The following PPME1 variants were observed in gnomAD, a reference collection of about 807,000 sequenced individuals.
PPME1 encodes protein phosphatase methylesterase 1.
In PPME1, 17 loss-of-function variants were observed where a neutral mutation model predicts 56.9. That is an observed-to-expected ratio of 0.30 (90% CI 0.20 to 0.45). PPME1 has a LOEUF of 0.45. Among genes scored for constraint, PPME1 ranks in the 20% least tolerant of loss-of-function variants. The pLI is 1.00. For synonymous variants in PPME1, 122 were observed against 156.2 expected (o/e 0.78, Z 1.63); for missense variants, 357 against 483.2 (o/e 0.74, Z 2.45).
chr11:74,249,431 T>C (rs1859596218), intron 11 of PPME1: 1 of 152,230 alleles, frequency 6.6e-6, no homozygotes, highest in African/African-American at 2.4e-5. Context: ...GGATTACCCA[T>C]GAACATGTTA....
chr11:74,238,876 C>T, intron 8 of PPME1: 1 of 313,296 alleles, frequency 3.2e-6, no homozygotes. Flanking sequence ...GCCAATAAAA[C>T]TCATGCCTGA....
chr11:74,242,953 T>G (rs887209921), intron 9 of PPME1, among the ~76,000 whole-genome samples: 1 of 151,152 alleles, frequency 6.6e-6, no homozygotes, highest in African/African-American at 2.4e-5. Context: ...CAGTGATTAG[T>G]TAAGAATGGC....
At position 74,253,633 on chromosome 11, in the gene PPME1, A is replaced by G; in HGVS notation, c.*123A>G. ...GCCATGTGACACTGGCTCCCGGTAG[A>G]CGGGCACCCCGAGATGTACCAACCT... On this transcript the variant is annotated 3_prime_UTR_variant, in exon 14 of 14. Coordinates refer to ENST00000328257, the MANE Select transcript of PPME1 (RefSeq NM_016147.3). The G allele has an allele frequency of 1.8e-6, 2 of 1,122,548 alleles. No homozygotes were observed. Among genetic ancestry groups the G allele is most frequent in the South Asian group, 1.3e-5 (1 of 79,752 alleles). 69.5% of individuals were successfully genotyped at this position (1,122,548 alleles called of 1,614,324 possible). A position where few individuals can be genotyped will look rare whatever the true frequency, so the allele number is the denominator to read the frequency against.
intron 3 of PPME1, among the ~76,000 whole-genome samples, chr11:74,221,013 A>T (rs920957249): frequency 6.6e-6 from 1 of 152,152 alleles, no homozygotes; most frequent in African/African-American, 2.4e-5. Context: ...TCCCTCCTGT[A>T]ACCCAATTAC....
At chr11:74,175,772 T>G (rs570365718) in intron 1 of PPME1, among the ~76,000 whole-genome samples, 5 of 152,334 alleles carry the variant, frequency 3.3e-5, no homozygotes, top group Admixed American at 3.3e-4. Context: ...TTATATTCTA[T>G]GAGGTAAACT....
In PPME1 at chr11:74,177,660, C is replaced by T. The variant is rs891669908; in HGVS notation, c.101+6138C>T. 2.6e-5 allele frequency among the ~76,000 whole-genome samples: 4 copies of T among 151,814 alleles called. No individual in the cohort carries two copies. The East Asian group carries it at 7.7e-4, about 29-fold the overall frequency. ...TTTTCGTGGTTCCTCTTGTTTTTTTCTCACAAATAAACTTTCTAATCCCAT... is the reference window on the plus strand; with the variant it reads ...TTTTCGTGGTTCCTCTTGTTTTTTTTTCACAAATAAACTTTCTAATCCCAT... On this transcript the variant is annotated intron_variant, in intron 1 of 13. Coordinates refer to ENST00000328257, the MANE Select transcript of PPME1 (RefSeq NM_016147.3).
chr11:74,176,016 CAT>C (rs1269284347), intron 1 of PPME1, among the ~76,000 whole-genome samples: 6 of 152,180 alleles, frequency 3.9e-5, no homozygotes, highest in Non-Finnish European at 5.9e-5. Context: ...TTTAACTTCT[CAT>C]AGTCTATTTT....
At chr11:74,222,450 A>C in intron 4 of PPME1, 81 bp downstream of exon 4, 1 of 1,238,740 alleles carries the variant, frequency 8.1e-7, no homozygotes, top group Non-Finnish European at 1.2e-6. Flanking sequence ...TAGAAATTTC[A>C]ACGTGGCCAT....
At chr11:74,244,512 T>C (rs1356698968) in intron 9 of PPME1, among the ~76,000 whole-genome samples, 2 of 152,216 alleles carry the variant, frequency 1.3e-5, no homozygotes, top group Admixed American at 1.3e-4. Context: ...TATTTATTGA[T>C]TAGTGATGTT....
intron 1 of PPME1, among the ~76,000 whole-genome samples, chr11:74,185,787 C>G (rs573409702): frequency 5.7e-4 from 86 of 151,734 alleles, no homozygotes; most frequent in Middle Eastern, 3.4e-3. Context: ...TCTTTATTAT[C>G]AAAGGTATAA....
chr11:74,249,724 T>C (rs1859604878), intron 11 of PPME1: 1 of 152,216 alleles, frequency 6.6e-6, no homozygotes, highest in African/African-American at 2.4e-5. Flanking sequence ...AATGACACAC[T>C]CCTGGGGAGG....
chr11:74,191,789 C>T (rs576216786), intron 1 of PPME1, among the ~76,000 whole-genome samples: 11 of 152,278 alleles, frequency 7.2e-5, no homozygotes, highest in East Asian at 1.9e-4. Flanking sequence ...ACATAGAATG[C>T]GAGAGTGAGG....
intron 1 of PPME1, among the ~76,000 whole-genome samples, chr11:74,183,258 C>G (rs1046920358): frequency 3.9e-5 from 6 of 152,178 alleles, no homozygotes; most frequent in Non-Finnish European, 7.3e-5. Flanking sequence ...GATCGTGACA[C>G]TGTACTCCAG....
chr11:74,193,932 G>A (rs983064720), intron 1 of PPME1, among the ~76,000 whole-genome samples: 1 of 152,016 alleles, frequency 6.6e-6, no homozygotes, highest in Non-Finnish European at 1.5e-5. Context: ...TTTTGATTGT[G>A]AGATGGTCAT....
At chr11:74,188,979 A>C (rs1055813367) in intron 1 of PPME1, among the ~76,000 whole-genome samples, 4 of 152,276 alleles carry the variant, frequency 2.6e-5, no homozygotes, top group African/African-American at 9.6e-5. Context: ...ATATATATTC[A>C]GGAAAGTATA....
At chr11:74,217,512 A>G (rs907183934) in intron 3 of PPME1, among the ~76,000 whole-genome samples, 2 of 141,534 alleles carry the variant, frequency 1.4e-5, no homozygotes, top group African/African-American at 5.3e-5. Flanking sequence ...GCTGCCCTCT[A>G]TCCTGGGTGA....
intron 3 of PPME1, among the ~76,000 whole-genome samples, chr11:74,209,542 A>G (rs752495911): frequency 1.3e-5 from 2 of 152,240 alleles, no homozygotes; most frequent in African/African-American, 4.8e-5. Flanking sequence ...TGAGTTAAGT[A>G]TCTTGATACA....
chr11:74,190,597 C>T (rs1444419329), intron 1 of PPME1, among the ~76,000 whole-genome samples: 1 of 152,128 alleles, frequency 6.6e-6, no homozygotes, highest in African/African-American at 2.4e-5. Context: ...TATAGCAGTG[C>T]AAGAATGGAC....
intron 3 of PPME1, among the ~76,000 whole-genome samples, chr11:74,208,371 T>C (rs993094682): frequency 2.0e-5 from 3 of 152,062 alleles, no homozygotes; most frequent in Non-Finnish European, 4.4e-5. Context: ...AGCAAATACT[T>C]ACTAAACCCC....
Sources: gnomAD v4.1 joint callset for allele counts (sites outside exome capture counted in the v4.1 genomes callset) on GRCh38, gnomAD v4.1.1 for gene constraint, MANE v1.5 for transcripts, NCBI Gene and HGNC (gene_info 2026-07-23, HGNC 2026-07-21) for gene names.